COL24A1: variants seen among roughly 807,000 people sequenced by gnomAD.
COL24A1 encodes collagen type XXIV alpha 1 chain, also known as collagen alpha-1(XXIV) chain.
Under a neutral mutation model 253.9 loss-of-function variants are expected in COL24A1, and 224 were observed. That is an observed-to-expected ratio of 0.88 (90% CI 0.79 to 0.99). COL24A1 has a LOEUF of 0.99. COL24A1 is among the 50% of genes least tolerant of loss of function. The pLI is 0.00. For synonymous variants in COL24A1, 685 were observed against 673.7 expected (o/e 1.02, Z -0.26); for missense variants, 2,131 against 2,068.5 (o/e 1.03, Z -0.59).
chr1:85,966,948 A>G (rs1691626227), intron 22 of COL24A1, among the ~76,000 whole-genome samples: 1 of 152,214 alleles, frequency 6.6e-6, no homozygotes, highest in Non-Finnish European at 1.5e-5. Context: ...TTTTTAAGCT[A>G]GAAGAATAAC....
At position 86,156,623 on chromosome 1, in the gene COL24A1, G is replaced by C. The variant is rs959366162; in HGVS notation, c.-227C>G. The C allele has an allele frequency of 1.0e-5, 4 of 391,428 alleles. No individual in the cohort carries two copies. Among genetic ancestry groups the C allele is most frequent in the Non-Finnish European group, 1.8e-5 (4 of 220,976 alleles). The allele number at this position is 391,428 out of a possible 1,614,324, so 24.2% of individuals were successfully genotyped here. ...CTTCCTAGCTCTCTGGCTCGGTAAC[G>C]AACGAGCCCAGGGTTGCGCTCCCCG... On this transcript the variant is annotated 5_prime_UTR_variant, in exon 1 of 60. Coordinates refer to ENST00000370571, the MANE Select transcript of COL24A1 (RefSeq NM_152890.7).
At chr1:85,850,934 C>T (rs1302447293) in intron 37 of COL24A1, among the ~76,000 whole-genome samples, 2 of 151,136 alleles carry the variant, frequency 1.3e-5, no homozygotes, top group Non-Finnish European at 3.0e-5. Context: ...CAATGAAAGC[C>T]CGTTTACCTA....
At chr1:86,008,159 A>G (rs190686512) in intron 19 of COL24A1, among the ~76,000 whole-genome samples, 8 of 152,364 alleles carry the variant, frequency 5.3e-5, no homozygotes, top group Admixed American at 3.3e-4. Flanking sequence ...CCATACATGT[A>G]GGAAATATAA....
chr1:86,126,616 C>T (rs780812560), intron 2 of COL24A1, among the ~76,000 whole-genome samples: 15 of 151,922 alleles, frequency 9.9e-5, no homozygotes, highest in Non-Finnish European at 1.6e-4. Flanking sequence ...AGCACTACAA[C>T]GGCATGCCAT....
Position 85,730,706 on chromosome 1 carries a change from A to G in COL24A1, c.4999-14T>C. The G allele has an allele frequency of 2.5e-6, 4 of 1,613,372 alleles. No homozygotes were observed. Among genetic ancestry groups the G allele is most frequent in the Non-Finnish European group, 3.4e-6 (4 of 1,179,628 alleles). On this transcript the variant is annotated splice_polypyrimidine_tract_variant and intron_variant, in intron 59 of 59. Transcript: ENST00000370571. The stretch of plus-strand genomic sequence containing the variant: ...GCCATCTTGAATCTGTAAAATAAGA[A>G]CAAAATGCTTTCATACGCATTTCAT...
intron 52 of COL24A1, among the ~76,000 whole-genome samples, chr1:85,780,315 T>A (rs1202878953): frequency 2.0e-5 from 3 of 152,192 alleles, no homozygotes; most frequent in Non-Finnish European, 4.4e-5. Context: ...AACTTTCAAA[T>A]AATTCAAAAT....
intron 24 of COL24A1, among the ~76,000 whole-genome samples, chr1:85,912,226 C>T (rs1284039566): frequency 6.6e-6 from 1 of 151,966 alleles, no homozygotes; most frequent in East Asian, 1.9e-4. Flanking sequence ...ATTTGATTTG[C>T]TAGAAGATGT....
chr1:86,127,411 T>C (rs1648486500), intron 2 of COL24A1, among the ~76,000 whole-genome samples: 1 of 152,118 alleles, frequency 6.6e-6, no homozygotes, highest in Admixed American at 6.6e-5. Context: ...ATTGGATCTC[T>C]TCAGCACCTT....
chr1:85,954,298 A>C (rs921112259), intron 24 of COL24A1, among the ~76,000 whole-genome samples: 1 of 152,226 alleles, frequency 6.6e-6, no homozygotes. Flanking sequence ...TTCTCAAACC[A>C]TAATATGGTA....
At chr1:86,069,134 C>T (rs1224064235) in intron 7 of COL24A1, among the ~76,000 whole-genome samples, 1 of 152,184 alleles carries the variant, frequency 6.6e-6, no homozygotes, top group Non-Finnish European at 1.5e-5. Flanking sequence ...TATGTACCAG[C>T]TTGGCCACAG....
intron 37 of COL24A1, among the ~76,000 whole-genome samples, chr1:85,851,584 C>A (rs1200909235): frequency 6.6e-6 from 1 of 152,152 alleles, no homozygotes; most frequent in Middle Eastern, 3.2e-3. Flanking sequence ...AAGAGTTCCA[C>A]TTACTTCATA....
At chr1:85,960,062 A>G (rs760582405) in intron 24 of COL24A1, among the ~76,000 whole-genome samples, 1 of 152,180 alleles carries the variant, frequency 6.6e-6, no homozygotes, top group Non-Finnish European at 1.5e-5. Flanking sequence ...TTAATTAGGT[A>G]TGGCAATTAT....
At chr1:86,040,909 C>T (rs574014112) in intron 12 of COL24A1, among the ~76,000 whole-genome samples, 2 of 152,126 alleles carry the variant, frequency 1.3e-5, no homozygotes, top group Non-Finnish European at 2.9e-5. Context: ...TCTAAATTCT[C>T]CACAAAATGT....
chr1:85,756,104 C>G (rs1252696352), intron 55 of COL24A1, among the ~76,000 whole-genome samples: 1 of 136,458 alleles, frequency 7.3e-6, no homozygotes, highest in Admixed American at 7.4e-5. Context: ...AAAAAATGGG[C>G]AAATAACTTG....
chr1:85,849,990 G>A (rs1386047935), intron 37 of COL24A1, among the ~76,000 whole-genome samples: 1 of 152,038 alleles, frequency 6.6e-6, no homozygotes, highest in Non-Finnish European at 1.5e-5. Flanking sequence ...AGTAGAAAGA[G>A]TTAAAGAGAT....
At chr1:85,863,176 G>T (rs575156193) in intron 37 of COL24A1, among the ~76,000 whole-genome samples, 6 of 152,288 alleles carry the variant, frequency 3.9e-5, no homozygotes, top group South Asian at 4.1e-4. Flanking sequence ...TGTATGCTGA[G>T]ACTTTGCTGA....
intron 28 of COL24A1, among the ~76,000 whole-genome samples, chr1:85,900,545 A>G (rs991207430): frequency 2.6e-4 from 39 of 152,164 alleles, no homozygotes; most frequent in African/African-American, 7.0e-4. Context: ...AGGTTGAGGC[A>G]GTGGGATCAT....
At chr1:86,017,253 C>T in intron 18 of COL24A1, 49 bp from the exon 19 acceptor site, 1 of 1,439,462 alleles carries the variant, frequency 6.9e-7, no homozygotes, top group Non-Finnish European at 9.3e-7. Context: ...TTAATAAACA[C>T]AATTAAAAGA....
rs535368586 is a variant in COL24A1, at chr1:86,105,615, T to C, written c.1599+6952A>G. Among the ~76,000 whole-genome samples the C allele has an allele frequency of 5.3e-5, 8 of 150,920 alleles. No homozygotes were observed. The East Asian group carries it at 1.2e-3, about 23-fold the overall frequency. ...GTTCCCCTAGGGGAACAGTCTCCTATGGGAGCAAGTGCAGCCTAGGGGGAT... is the reference window on the plus strand; with the variant it reads ...GTTCCCCTAGGGGAACAGTCTCCTACGGGAGCAAGTGCAGCCTAGGGGGAT... On this transcript the variant is annotated intron_variant, in intron 5 of 59. Coordinates refer to ENST00000370571, the MANE Select transcript of COL24A1 (RefSeq NM_152890.7).
Sources: gnomAD v4.1 joint callset for allele counts (sites outside exome capture counted in the v4.1 genomes callset) on GRCh38, gnomAD v4.1.1 for gene constraint, MANE v1.5 for transcripts, NCBI Gene and HGNC (gene_info 2026-07-23, HGNC 2026-07-21) for gene names.